MED7: variants seen among roughly 807,000 people sequenced by gnomAD.
MED7 encodes the protein mediator complex subunit 7.
In MED7, 7 loss-of-function variants were observed where a neutral mutation model predicts 16.6. That is an observed-to-expected ratio of 0.42 (90% CI 0.24 to 0.79). The LOEUF (loss-of-function observed/expected upper bound fraction) is 0.79. Among genes scored for constraint, MED7 ranks in the 30% least tolerant of loss-of-function variants. The probability of loss-of-function intolerance (pLI) is 0.27; values close to 1 mark genes in which losing one functional copy is unlikely to be tolerated. For synonymous variants in MED7, 88 were observed against 90.5 expected (o/e 0.97, Z 0.16); for missense variants, 240 against 286.3 (o/e 0.84, Z 1.17).
chr5:157,139,304 A>C lies in MED7; in HGVS notation c.128T>G (p.Met43Arg). ...ACATTGGAACTGATTGCCAAACATCATGTAACTGTCTTTTATTGGAGGGGG... is the reference window on the plus strand; with the variant it reads ...ACATTGGAACTGATTGCCAAACATCCTGTAACTGTCTTTTATTGGAGGGGG... ...KPPPPIKDSY[M>R]MFGNQFQCDD... is the part of the protein sequence containing the mutation. Residue 43 changes from methionine (M) to arginine (R), a missense_variant, in exon 2 of 2, where the codon ATG (methionine) becomes AGG (arginine). Physicochemically the swap from Met to Arg is moderately conservative, Grantham distance 91. Coordinates refer to ENST00000286317, the MANE Select transcript of MED7 (RefSeq NM_004270.5). 1 of 1,614,154 alleles carries C rather than the reference A, an allele frequency of 6.2e-7. No individual in the cohort carries two copies. The highest frequency in any genetic ancestry group is 8.5e-7 in the Non-Finnish European group (1 of 1,180,028).
rs1206516074 is a variant in MED7 at position 157,139,173 on chromosome 5, T to C, written c.259A>G (p.Ile87Val). 6.2e-7 allele frequency: 1 copy of C among 1,613,060 alleles called. No individual in the cohort carries two copies. Among genetic ancestry groups the C allele is most frequent in the Admixed American group, 1.7e-5 (1 of 59,788 alleles). Reference protein sequence around the residue: ...ELRKLNMSILINFLDLLDILI... With the variant: ...ELRKLNMSILVNFLDLLDILI... ...ATATCTAAAAGGTCCAAGAAATTAA[T>C]AAGGATAGACATATTAAGTTTTCTC... The change falls in exon 2 of 2, where the codon ATT becomes GTT. Residue 87 changes from isoleucine (I) to valine (V), a missense_variant. Transcript: ENST00000286317.
Position 157,138,308 on chromosome 5 carries a change from T to C in MED7, c.*422A>G, listed in dbSNP as rs1207782429. 1 of 155,112 alleles carries C rather than the reference T, an allele frequency of 6.4e-6. No homozygotes were observed. The highest frequency in any genetic ancestry group is 1.9e-4 in the East Asian group (1 of 5,268). 9.6% of individuals were successfully genotyped at this position (155,112 alleles called of 1,614,324 possible). On this transcript the variant is annotated 3_prime_UTR_variant, in exon 2 of 2. Transcript: ENST00000286317. Reference sequence around the variant, plus strand: ...AACATGTTATGCTACTTTTTGGAGCTTAAGCAAAATTTTTAATGGAATAAG... The same window carrying C: ...AACATGTTATGCTACTTTTTGGAGCCTAAGCAAAATTTTTAATGGAATAAG...
At position 157,138,745 on chromosome 5, in the gene MED7, C is replaced by A. The variant is rs1442419365; in HGVS notation, c.687G>T (p.Met229Ile). Residue 229 changes from methionine (M) to isoleucine (I), a missense_variant, in exon 2 of 2, where the codon ATG becomes ATT. Coordinates refer to ENST00000286317, the MANE Select transcript of MED7 (RefSeq NM_004270.5). ...GAAACATCTTTCATGGTCTTTCATT[C>A]ATCTCATCAATTAGGACACACAAGG... is the stretch of plus-strand genomic sequence containing the variant. ...DAALCVLIDE[M>I]NERP The A allele has an allele frequency of 6.3e-7, 1 of 1,592,528 alleles. No individual in the cohort carries two copies. Among genetic ancestry groups the A allele is most frequent in the Non-Finnish European group, 8.5e-7 (1 of 1,170,818 alleles).
Position 157,138,356 on chromosome 5 carries a change from A to T in MED7, c.*374T>A. The T allele has an allele frequency of 6.0e-6, 1 of 167,752 alleles. No homozygotes were observed. The highest frequency in any genetic ancestry group is 2.4e-5 in the African/African-American group (1 of 42,140). 10.4% of individuals were successfully genotyped at this position (167,752 alleles called of 1,614,324 possible). On this transcript the variant is annotated 3_prime_UTR_variant, in exon 2 of 2. Transcript: ENST00000286317. ...AAGTCTAAAGATTTCATAGTTTTAC[A>T]TGTAGAGAGCTTAATATCCATTTAT...
Position 157,138,140 on chromosome 5 carries a change from A to G in MED7, c.*590T>C, listed in dbSNP as rs751415000. On this transcript the variant is annotated 3_prime_UTR_variant, in exon 2 of 2. Coordinates refer to ENST00000286317, the MANE Select transcript of MED7 (RefSeq NM_004270.5). ...AAGGACTTATTACCTGAGTGACTGG[A>G]AAAAAAAACAACAATTTATGGGACT... 1 of 145,728 alleles carries G rather than the reference A, an allele frequency of 6.9e-6. No individual in the cohort carries two copies. The highest frequency in any genetic ancestry group is 1.5e-5 in the Non-Finnish European group (1 of 67,806). The allele number at this position is 145,728 out of a possible 1,614,324, so 9.0% of individuals were successfully genotyped here.
rs1368343709 is a variant in MED7, at chr5:157,138,893, G to T, written c.539C>A (p.Ala180Glu). Residue 180 changes from alanine to glutamate, a missense_variant, in exon 2 of 2, where the codon GCA becomes GAA. Physicochemically the swap from Ala to Glu is moderately radical, Grantham distance 107. Transcript: ENST00000286317. The stretch of plus-strand genomic sequence containing the variant: ...TGGTTCAGTTTTTACTCTCATTCCT[G>T]CTTCTGAATGAGGCAAATCATCAGG... ...SLPDDLPHSEAGMRVKTEPMD... is the reference protein window; with the variant it reads ...SLPDDLPHSEEGMRVKTEPMD... 2 of 1,614,042 alleles carry T rather than the reference G, an allele frequency of 1.2e-6. No homozygotes were observed. The highest frequency in any genetic ancestry group is 2.2e-5 in the South Asian group (2 of 91,076).
intron 1 of MED7, 116 bp downstream of exon 1, chr5:157,142,704 G>A (rs999839088): frequency 2.0e-5 from 3 of 152,518 alleles, no homozygotes; most frequent in Admixed American, 6.5e-5. Context: ...GACCGCCTTT[G>A]GAGGCCGAAC....
chr5:157,141,174 G>A (rs1343749730), intron 1 of MED7, among the ~76,000 whole-genome samples: 1 of 152,094 alleles, frequency 6.6e-6, no homozygotes, highest in African/African-American at 2.4e-5. Context: ...TCGGACTCCC[G>A]GGTTCACGCC....
chr5:157,141,005 G>C (rs769204665), intron 1 of MED7, among the ~76,000 whole-genome samples: 1 of 152,022 alleles, frequency 6.6e-6, no homozygotes, highest in Non-Finnish European at 1.5e-5. Context: ...GTGTTTTCTC[G>C]TGACAAGAAT....
At position 157,137,946 on chromosome 5, in the gene MED7, A is replaced by T. The variant is rs543961318; in HGVS notation, c.*784T>A. The T allele has an allele frequency of 6.6e-6, 1 of 152,262 alleles. No homozygotes were observed. Among genetic ancestry groups the T allele is most frequent in the Non-Finnish European group, 1.5e-5 (1 of 68,056 alleles). 9.4% of individuals were successfully genotyped at this position (152,262 alleles called of 1,614,324 possible). On this transcript the variant is annotated 3_prime_UTR_variant, in exon 2 of 2. Coordinates refer to ENST00000286317, the MANE Select transcript of MED7 (RefSeq NM_004270.5). ...GGCTGGATTGCCACATCTTGACAAC[A>T]TATCTTCAAAGAGCAAGAATCTTTG...
rs1404948419 is a variant in MED7 at position 157,139,356 on chromosome 5, T to C, written c.76A>G (p.Ile26Val). 1.2e-6 allele frequency: 2 copies of C among 1,612,530 alleles called. No homozygotes were observed. The highest frequency in any genetic ancestry group is 2.2e-5 in the East Asian group (1 of 44,858). ...GGCTTGGGAGCTAAGCCTTCTTGAA[T>C]ATTTTCATCCGTATATTCCTTGATA... Reference protein sequence around the residue: ...QYIKEYTDENIQEGLAPKPPP... With the variant: ...QYIKEYTDENVQEGLAPKPPP... Residue 26 changes from isoleucine (I) to valine (V), a missense_variant, in exon 2 of 2, where the codon ATT (isoleucine) becomes GTT (valine). By Grantham distance (29) the Ile-to-Val change is conservative (BLOSUM62 3). Transcript: ENST00000286317.
In MED7 at chr5:157,138,001, C is replaced by T. The variant is rs1032745196; in HGVS notation, c.*729G>A. 1 of 152,208 alleles carries T rather than the reference C, an allele frequency of 6.6e-6. No individual in the cohort carries two copies. Among genetic ancestry groups the T allele is most frequent in the East Asian group, 1.9e-4 (1 of 5,200 alleles). 9.4% of individuals were successfully genotyped at this position (152,208 alleles called of 1,614,324 possible). A position where few individuals can be genotyped will look rare whatever the true frequency, so the allele number is the denominator to read the frequency against. On this transcript the variant is annotated 3_prime_UTR_variant, in exon 2 of 2. Coordinates refer to ENST00000286317, the MANE Select transcript of MED7 (RefSeq NM_004270.5). ...ACACCTAGCAGTCTCTGCCATCAAACCCCTTTCCCATTGTGGACTTAAACA... is the reference window on the plus strand; with the variant it reads ...ACACCTAGCAGTCTCTGCCATCAAATCCCTTTCCCATTGTGGACTTAAACA...
chr5:157,137,744 TC>T lies in MED7; in HGVS notation c.*985del, dbSNP rs1757656727. 1 of 152,242 alleles carries T rather than the reference TC, an allele frequency of 6.6e-6. No homozygotes were observed. The highest frequency in any genetic ancestry group is 2.4e-5 in the African/African-American group (1 of 41,444). The allele number at this position is 152,242 out of a possible 1,614,324, so 9.4% of individuals were successfully genotyped here. On this transcript the variant is annotated 3_prime_UTR_variant, in exon 2 of 2. Transcript: ENST00000286317. Reference sequence around the variant, plus strand: ...ACCAGACTGACAATCTTTGCCATCTTCGGTGGCTTCCAAACTTATCCTGGAT... The same window carrying T: ...ACCAGACTGACAATCTTTGCCATCTTGGTGGCTTCCAAACTTATCCTGGAT...
intron 1 of MED7, among the ~76,000 whole-genome samples, chr5:157,142,216 T>C (rs769096712): frequency 9.9e-5 from 15 of 152,158 alleles, no homozygotes; most frequent in Non-Finnish European, 1.9e-4. Context: ...ATCCAACATC[T>C]AGTGTTTGTT....
chr5:157,142,635 G>A (rs1333078590), intron 1 of MED7, 185 bp downstream of exon 1: 6 of 152,194 alleles, frequency 3.9e-5, no homozygotes. Context: ...TCCACCCCGA[G>A]GCCTCCGCGC....
At chr5:157,140,871 T>G (rs780558493) in intron 1 of MED7, among the ~76,000 whole-genome samples, 1 of 152,078 alleles carries the variant, frequency 6.6e-6, no homozygotes, top group African/African-American at 2.4e-5. Context: ...AAATTCAGAT[T>G]ACAGAAAAAG....
Position 157,139,064 on chromosome 5 carries a change from A to G in MED7, c.368T>C (p.Ile123Thr), listed in dbSNP as rs1757684837. 1 of 1,614,046 alleles carries G rather than the reference A, an allele frequency of 6.2e-7. No individual in the cohort carries two copies. Among genetic ancestry groups the G allele is most frequent in the Non-Finnish European group, 8.5e-7 (1 of 1,180,008 alleles). Residue 123 changes from isoleucine (I) to threonine (T), a missense_variant, in exon 2 of 2, where the codon ATA (isoleucine) becomes ACA (threonine). Transcript: ENST00000286317. ...KLLFVHVHHLINEYRPHQARE... is the reference protein window; with the variant it reads ...KLLFVHVHHLTNEYRPHQARE... ...TGCTTGGTGGGGTCGGTATTCATTT[A>G]TAAGATGATGCACGTGTACAAAAAG...
Position 157,139,245 on chromosome 5 carries a change from CCTGA to C in MED7, c.183_186del (p.Ser61ArgfsTer17). The stretch of plus-strand genomic sequence containing the variant: ...TGCATAGGATGAAGCCGTTCGATGC[CCTGA>C]CTTTCCAAAGGGCGGATGATAAGAT... On this transcript the variant is annotated frameshift_variant, in exon 2 of 2. Coordinates refer to ENST00000286317, the MANE Select transcript of MED7 (RefSeq NM_004270.5). LOFTEE classifies it high-confidence loss of function. 1 of 1,613,910 alleles carries C rather than the reference CCTGA, an allele frequency of 6.2e-7. No homozygotes were observed. Among genetic ancestry groups the C allele is most frequent in the South Asian group, 1.1e-5 (1 of 91,004 alleles).
intron 1 of MED7, among the ~76,000 whole-genome samples, chr5:157,141,578 T>G (rs1223303913): frequency 1.3e-5 from 2 of 152,104 alleles, no homozygotes; most frequent in Non-Finnish European, 2.9e-5. Flanking sequence ...TTAAGGTTTT[T>G]GGGGTTTTTG....
Sources: gnomAD v4.1 joint callset for allele counts (sites outside exome capture counted in the v4.1 genomes callset) on GRCh38, gnomAD v4.1.1 for gene constraint, MANE v1.5 for transcripts, NCBI Gene and HGNC (gene_info 2026-07-23, HGNC 2026-07-21) for gene names.